Variants in AGMO observed in about 807,000 individuals in gnomAD.
AGMO encodes glyceryl-ether monooxygenase.
Under a neutral mutation model 60.2 loss-of-function variants are expected in AGMO, and 75 were observed. The ratio of observed to expected loss-of-function variants is 1.25; its 90% CI spans 1.03 to 1.51. The LOEUF is 1.51. Among genes scored for constraint, AGMO ranks in the 40% most tolerant of loss-of-function variants. The pLI, the probability that AGMO is intolerant of heterozygous loss-of-function variation, is 0.00. For missense variants in AGMO, 763 were observed against 525.5 expected (o/e 1.45, Z -4.42); for synonymous variants, 261 against 177.1 (o/e 1.47, Z -3.76).
At position 15,500,444 on chromosome 7, in the gene AGMO, C is replaced by A. The variant is rs144530156; in HGVS notation, c.409+44328G>T. 9.5e-3 allele frequency among the ~76,000 whole-genome samples: 1,441 copies of A among 151,692 alleles called. 16 individuals carry two copies. Among genetic ancestry groups the A allele is most frequent in the Middle Eastern group, 0.017 (5 of 294 alleles). ...TAAAAAGTAATCCAAGAAGGAAAACCCTACAGTATTTATTTTTATTTGAAA... is the reference window on the plus strand; with the variant it reads ...TAAAAAGTAATCCAAGAAGGAAAACACTACAGTATTTATTTTTATTTGAAA... On this transcript the variant is annotated intron_variant, in intron 3 of 12. Coordinates refer to ENST00000342526, the MANE Select transcript of AGMO (RefSeq NM_001004320.2).
At chr7:15,240,057 T>C (rs1782544765) in intron 12 of AGMO, among the ~76,000 whole-genome samples, 1 of 152,174 alleles carries the variant, frequency 6.6e-6, no homozygotes, top group South Asian at 2.1e-4. Flanking sequence ...TAACTTCTGC[T>C]GCCAATAGAA....
intron 12 of AGMO, among the ~76,000 whole-genome samples, chr7:15,349,578 C>G (rs1183194502): frequency 6.6e-6 from 1 of 152,018 alleles, no homozygotes; most frequent in East Asian, 1.9e-4. Flanking sequence ...TCCTAGAAAT[C>G]CTATTCTTCT....
At chr7:15,547,106 T>A (rs1182951144) in intron 2 of AGMO, among the ~76,000 whole-genome samples, 1 of 152,174 alleles carries the variant, frequency 6.6e-6, no homozygotes, top group Middle Eastern at 3.2e-3. Context: ...TAATTTTTTG[T>A]TTCAAGAGCC....
At chr7:15,382,626 T>C (rs943907007) in intron 10 of AGMO, among the ~76,000 whole-genome samples, 2 of 152,186 alleles carry the variant, frequency 1.3e-5, no homozygotes, top group Admixed American at 6.6e-5. Flanking sequence ...ACTGGAGTTA[T>C]TGCAATTATT....
chr7:15,394,278 T>C (rs1013324671), intron 5 of AGMO, 99 bp from the exon 6 acceptor site: 33 of 948,100 alleles, frequency 3.5e-5, no homozygotes, highest in South Asian at 5.9e-5. Flanking sequence ...TTAAGAGATA[T>C]TGCGAATTTC....
chr7:15,448,078 T>C (rs1224745416), intron 3 of AGMO, among the ~76,000 whole-genome samples: 1 of 152,142 alleles, frequency 6.6e-6, no homozygotes, highest in Admixed American at 6.6e-5. Flanking sequence ...TTGACTTTGG[T>C]CTTATTAACT....
At chr7:15,352,762 C>T (rs934911934) in intron 12 of AGMO, among the ~76,000 whole-genome samples, 2 of 151,840 alleles carry the variant, frequency 1.3e-5, no homozygotes, top group East Asian at 1.9e-4. Flanking sequence ...ACAGGATTCT[C>T]CTTAGAGCCA....
At chr7:15,290,443 G>C (rs560996219) in intron 12 of AGMO, among the ~76,000 whole-genome samples, 447 of 152,220 alleles carry the variant, frequency 2.9e-3, no homozygotes, top group Non-Finnish European at 3.9e-3. Context: ...AAAAATCTAC[G>C]AAATTTTCTC....
chr7:15,272,463 C>CA (rs1036770978), intron 12 of AGMO, among the ~76,000 whole-genome samples: 2 of 152,160 alleles, frequency 1.3e-5, no homozygotes, highest in Admixed American at 1.3e-4. Context: ...ATGAACTCAT[C>CA]ATTTTTTATG....
chr7:15,295,858 G>A (rs1399787882), intron 12 of AGMO, among the ~76,000 whole-genome samples: 1 of 152,006 alleles, frequency 6.6e-6, no homozygotes, highest in Non-Finnish European at 1.5e-5. Flanking sequence ...TAATAAATTT[G>A]GAATTGGGAA....
downstream of AGMO, among the ~76,000 whole-genome samples, chr7:15,198,657 G>A (rs1781198228): frequency 6.6e-6 from 1 of 152,108 alleles, no homozygotes; most frequent in East Asian, 1.9e-4. Flanking sequence ...AATTTGGTGG[G>A]TAGGGGGCCA....
At chr7:15,185,817 T>C in the AGMO span, among the ~76,000 whole-genome samples, 1 of 152,236 alleles carries the variant, frequency 6.6e-6, no homozygotes, top group Non-Finnish European at 1.5e-5. Flanking sequence ...AGTACCACTG[T>C]ATTTGAGACT....
intron 5 of AGMO, among the ~76,000 whole-genome samples, chr7:15,413,055 C>G (rs1320402440): frequency 1.3e-5 from 2 of 151,998 alleles, no homozygotes; most frequent in Non-Finnish European, 2.9e-5. Flanking sequence ...TTGGAATTAG[C>G]AGACAAGAAT....
intron 12 of AGMO, among the ~76,000 whole-genome samples, chr7:15,288,286 T>A (rs1228581200): frequency 1.3e-5 from 2 of 152,102 alleles, no homozygotes; most frequent in East Asian, 3.9e-4. Flanking sequence ...AGTACAAATT[T>A]TTAAACATAT....
intron 12 of AGMO, among the ~76,000 whole-genome samples, chr7:15,299,886 C>CACACACACACACACAAAA (rs774065679): frequency 2.6e-5 from 3 of 114,642 alleles, no homozygotes; most frequent in African/African-American, 1.3e-4. Context: ...CACACACACA[C>CACACACACACACACAAAA]AGTATGTTTT....
chr7:15,547,557 G>A (rs1474533495), intron 2 of AGMO, among the ~76,000 whole-genome samples: 3 of 152,152 alleles, frequency 2.0e-5, no homozygotes, highest in Non-Finnish European at 4.4e-5. Context: ...AGGGGTGACA[G>A]ACGCACCTGG....
intron 12 of AGMO, among the ~76,000 whole-genome samples, 163 bp downstream of exon 12, chr7:15,365,350 CA>C (rs2128561149): frequency 1.2e-5 from 1 of 85,682 alleles, no homozygotes; most frequent in South Asian, 3.4e-4. Context: ...TTAACTAGCT[CA>C]GATGACACAA....
chr7:15,546,809 T>C (rs1388964036), intron 2 of AGMO, among the ~76,000 whole-genome samples: 1 of 152,238 alleles, frequency 6.6e-6, no homozygotes, highest in African/African-American at 2.4e-5. Context: ...TAAATCTTGT[T>C]AGCTTTGTTG....
At chr7:15,264,111 G>C (rs996335228) in intron 12 of AGMO, among the ~76,000 whole-genome samples, 15 of 151,616 alleles carry the variant, frequency 9.9e-5, no homozygotes, top group Non-Finnish European at 2.1e-4. Flanking sequence ...TATTAGAAAA[G>C]AGAAGAAAGC....
Sources: gnomAD v4.1 joint callset for allele counts (sites outside exome capture counted in the v4.1 genomes callset) on GRCh38, gnomAD v4.1.1 for gene constraint, MANE v1.5 for transcripts, NCBI Gene and HGNC (gene_info 2026-07-23, HGNC 2026-07-21) for gene names.